Variants in MYL4 observed in about 807,000 individuals in gnomAD.
MYL4 encodes the protein myosin light chain 4.
Under a neutral mutation model 21.6 loss-of-function variants are expected in MYL4, and 16 were observed. The observed-to-expected ratio is 0.74, with a 90% CI of 0.50 to 1.12. The LOEUF (loss-of-function observed/expected upper bound fraction) is 1.12. Among genes scored for constraint, MYL4 ranks in the 50% most tolerant of loss-of-function variants. MYL4 has a pLI of 0.00. For missense variants in MYL4, 249 were observed against 252.9 expected (o/e 0.98, Z 0.11); for synonymous variants, 82 against 95.7 (o/e 0.86, Z 0.83).
intron 2 of MYL4, 52 bp downstream of exon 2, chr17:47,213,878 G>T: frequency 6.3e-7 from 1 of 1,577,334 alleles, no homozygotes; most frequent in Non-Finnish European, 8.7e-7. Flanking sequence ...TCCTGGAGGA[G>T]GAGGAGGAGG....
At chr17:47,214,897 C>G (rs1396847608) in intron 2 of MYL4, among the ~76,000 whole-genome samples, 1 of 152,178 alleles carries the variant, frequency 6.6e-6, no homozygotes, top group African/African-American at 2.4e-5. Context: ...CTACCTCATT[C>G]TTTTAAACAA....
chr17:47,227,607 T>A (rs2064890213), downstream of MYL4, among the ~76,000 whole-genome samples: 1 of 152,170 alleles, frequency 6.6e-6, no homozygotes, highest in African/African-American at 2.4e-5. Context: ...CTCAGCCTAC[T>A]CAACCTGAAG....
chr17:47,198,615 GAGAT>G (rs1254097055), upstream of MYL4, among the ~76,000 whole-genome samples: 1 of 152,184 alleles, frequency 6.6e-6, no homozygotes, highest in Non-Finnish European at 1.5e-5. Context: ...TGTGATTTGG[GAGAT>G]AGAGGCTGAT....
chr17:47,206,749 G>T (rs894197803), upstream of MYL4, among the ~76,000 whole-genome samples: 1 of 152,186 alleles, frequency 6.6e-6, no homozygotes, highest in African/African-American at 2.4e-5. Flanking sequence ...TTTAAAATAA[G>T]CAAGCTGAGG....
At chr17:47,214,063 T>C in intron 2 of MYL4, 1 of 540,408 alleles carries the variant, frequency 1.9e-6, no homozygotes, top group Non-Finnish European at 3.4e-6. Context: ...CCTCCCCCAT[T>C]TTACAAGTGA....
chr17:47,189,562 C>A, the MYL4 span: 6 of 327,608 alleles, frequency 1.8e-5, no homozygotes, highest in South Asian at 1.9e-4. Flanking sequence ...CTGCAACCAG[C>A]AGGCTGGGCG....
chr17:47,207,923 G>GA (rs775454270), upstream of MYL4, among the ~76,000 whole-genome samples: 9 of 152,118 alleles, frequency 5.9e-5, no homozygotes, highest in Non-Finnish European at 1.0e-4. Context: ...TATCCATCCT[G>GA]ACTCCTCCAA....
At chr17:47,208,660 T>G (rs1442617869), upstream of MYL4, among the ~76,000 whole-genome samples, 3 of 151,870 alleles carry the variant, frequency 2.0e-5, no homozygotes, top group Non-Finnish European at 4.4e-5. Context: ...CTCCTCGACT[T>G]TCTACCACAT....
intron 3 of MYL4, among the ~76,000 whole-genome samples, chr17:47,221,042 G>A (rs867859): frequency 0.26 from 40,173 of 152,052 alleles, 5,553 homozygotes; most frequent in Middle Eastern, 0.31. Flanking sequence ...AGCAAGTCCT[G>A]TGTGCTTATA....
chr17:47,208,586 CACAG>C (rs1443677807), upstream of MYL4, among the ~76,000 whole-genome samples: 4 of 140,288 alleles, frequency 2.9e-5, no homozygotes, highest in African/African-American at 1.1e-4. Context: ...CACACACACA[CACAG>C]AGCACAGAAT....
chr17:47,208,126 T>G (rs2064741322), upstream of MYL4, among the ~76,000 whole-genome samples: 1 of 152,164 alleles, frequency 6.6e-6, no homozygotes. Flanking sequence ...AATAATAGTA[T>G]CTACCTGGCC....
chr17:47,215,327 G>A (rs2064805890), intron 2 of MYL4, among the ~76,000 whole-genome samples: 1 of 152,236 alleles, frequency 6.6e-6, no homozygotes, highest in Non-Finnish European at 1.5e-5. Context: ...AACTGGAACA[G>A]ATGGTTATCT....
chr17:47,216,115 C>T (rs2064812053), intron 2 of MYL4, among the ~76,000 whole-genome samples: 1 of 151,208 alleles, frequency 6.6e-6, no homozygotes, highest in Non-Finnish European at 1.5e-5. Context: ...TTTTTTCCCC[C>T]TCATAGGAAT....
chr17:47,218,301 G>A (rs1005033718), intron 2 of MYL4, among the ~76,000 whole-genome samples: 12 of 152,188 alleles, frequency 7.9e-5, no homozygotes, highest in East Asian at 1.9e-4. Context: ...TAATCCATAC[G>A]CAGCCTCGAA....
chr17:47,211,157 G>A (rs2064771811), intron 1 of MYL4, among the ~76,000 whole-genome samples: 1 of 151,808 alleles, frequency 6.6e-6, no homozygotes, highest in Admixed American at 6.6e-5. Context: ...AAGTTGCTTT[G>A]AAGTAGAAAA....
At chr17:47,192,354 CA>C in the MYL4 span, among the ~76,000 whole-genome samples, 1,170 of 78,472 alleles carry the variant, frequency 0.015, 19 homozygotes, top group African/African-American at 0.047. Flanking sequence ...AACTCCGTCT[CA>C]AAAAAAAAAA....
intron 2 of MYL4, among the ~76,000 whole-genome samples, chr17:47,214,106 C>T (rs2064797023): frequency 1.3e-5 from 2 of 152,178 alleles, no homozygotes; most frequent in Non-Finnish European, 2.9e-5. Context: ...GGGTGACTTG[C>T]CCAGTCTCAC....
At chr17:47,195,079 A>T in the MYL4 span, among the ~76,000 whole-genome samples, 1 of 120,980 alleles carries the variant, frequency 8.3e-6, no homozygotes, top group Admixed American at 9.3e-5. Context: ...TTTTTTTGAG[A>T]CAGAGTCTCA....
upstream of MYL4, among the ~76,000 whole-genome samples, chr17:47,205,215 G>A (rs906019655): frequency 6.6e-6 from 1 of 152,184 alleles, no homozygotes; most frequent in Non-Finnish European, 1.5e-5. Flanking sequence ...GTCCCTCATG[G>A]GAGCATTTGG....
Sources: gnomAD v4.1 joint callset for allele counts (sites outside exome capture counted in the v4.1 genomes callset) on GRCh38, gnomAD v4.1.1 for gene constraint, MANE v1.5 for transcripts, NCBI Gene and HGNC (gene_info 2026-07-23, HGNC 2026-07-21) for gene names.